SLC1A6: variants seen among roughly 807,000 people sequenced by gnomAD.
SLC1A6 encodes solute carrier family 1 member 6.
In SLC1A6, 15 loss-of-function variants were observed where a neutral mutation model predicts 42.1. That is an observed-to-expected ratio of 0.36 (90% CI 0.24 to 0.55). The LOEUF (loss-of-function observed/expected upper bound fraction) is 0.55. SLC1A6 is among the 20% of genes least tolerant of loss of function. SLC1A6 has a pLI of 0.88. For synonymous variants in SLC1A6, 317 were observed against 319.7 expected (o/e 0.99, Z 0.09); for missense variants, 542 against 772.5 (o/e 0.70, Z 3.54).
At chr19:14,959,486 A>C (rs754334377) in intron 6 of SLC1A6, among the ~76,000 whole-genome samples, 49 of 152,318 alleles carry the variant, frequency 3.2e-4, no homozygotes, top group Admixed American at 2.2e-3. Context: ...TTGCTGAGAT[A>C]ATTAAATTTA....
chr19:14,989,539 CG>C (rs1414963215), intron 1 of SLC1A6, among the ~76,000 whole-genome samples: 1 of 150,952 alleles, frequency 6.6e-6, no homozygotes, highest in African/African-American at 2.5e-5. Context: ...GAATTACAGG[CG>C]TGAGCCACCG....
chr19:14,962,225 C>T lies in SLC1A6; in HGVS notation c.712G>A (p.Glu238Lys), dbSNP rs141949887. The T allele has an allele frequency of 1.9e-6, 3 of 1,614,156 alleles. No homozygotes were observed. In the South Asian group the frequency reaches 3.3e-5, roughly 18 times the overall value. ...GTACCCAAGGCCCGAGTGACATTTT[C>T]CAGGAAGCTGGTTCCGTTCTCCACT... is the stretch of plus-strand genomic sequence containing the variant. ...FSVENGTSFL[E>K]NVTRALGTLQ... The change falls in exon 6 of 10, where the codon GAA becomes AAA. Residue 238 changes from glutamate (E) to lysine (K), a missense_variant. Transcript: ENST00000594383.
At chr19:14,965,169 A>G (rs61618841) in intron 4 of SLC1A6, among the ~76,000 whole-genome samples, 59,399 of 151,568 alleles carry the variant, frequency 0.39, 12,095 homozygotes, top group East Asian at 0.61. Flanking sequence ...AAAGTTGCCC[A>G]CCACCACGCC....
At chr19:15,001,823 T>C (rs1428464225) in intron 1 of SLC1A6, among the ~76,000 whole-genome samples, 1 of 152,022 alleles carries the variant, frequency 6.6e-6, no homozygotes, top group African/African-American at 2.4e-5. Context: ...CATAATGCCC[T>C]GCTAATTTTT....
chr19:14,976,294 G>A (rs1264948077), intron 1 of SLC1A6, among the ~76,000 whole-genome samples: 2 of 152,112 alleles, frequency 1.3e-5, no homozygotes, highest in African/African-American at 2.4e-5. Context: ...ACCAATGGAC[G>A]ATTAAAGAAA....
chr19:14,957,887 T>C (rs1157847291), intron 6 of SLC1A6, among the ~76,000 whole-genome samples: 1 of 152,138 alleles, frequency 6.6e-6, no homozygotes, highest in Non-Finnish European at 1.5e-5. Context: ...GCAGGCACAA[T>C]GCAGACTCTG....
chr19:15,004,909 C>T (rs551062437), intron 1 of SLC1A6, among the ~76,000 whole-genome samples: 46 of 152,190 alleles, frequency 3.0e-4, no homozygotes, highest in African/African-American at 1.1e-3. Flanking sequence ...TGTTCAGACA[C>T]ACGCAGGTGA....
intron 7 of SLC1A6, among the ~76,000 whole-genome samples, chr19:14,955,622 C>CGAAAAA (rs2045455130): frequency 7.0e-6 from 1 of 141,878 alleles, no homozygotes; most frequent in Admixed American, 7.0e-5. Flanking sequence ...TCATGTCAAA[C>CGAAAAA]GAAAAAGAAA....
intron 2 of SLC1A6, 36 bp downstream of exon 2, chr19:14,972,670 C>A: frequency 6.3e-7 from 1 of 1,586,136 alleles, no homozygotes; most frequent in Non-Finnish European, 8.7e-7. Flanking sequence ...CCCCGCCTTT[C>A]CCTGAAGTCC....
intron 1 of SLC1A6, 121 bp from the exon 2 acceptor site, chr19:14,973,038 G>A: frequency 1.3e-6 from 1 of 768,442 alleles, no homozygotes; most frequent in Non-Finnish European, 2.1e-6. Context: ...GGCGGGGGTG[G>A]CTGGGTGTTT....
chr19:14,994,092 A>G (rs1171338103), intron 1 of SLC1A6, among the ~76,000 whole-genome samples: 1 of 152,106 alleles, frequency 6.6e-6, no homozygotes. Context: ...GCTCCACACG[A>G]AATGATGCTG....
Position 14,964,282 on chromosome 19 carries a change from C to T in SLC1A6, c.591+37G>A, listed in dbSNP as rs140069674. On this transcript the variant is annotated intron_variant, in intron 5 of 9. Coordinates refer to ENST00000594383, the MANE Select transcript of SLC1A6 (RefSeq NM_005071.3). ...TCAGCCCCAAGCTCCCACCACCCTCCGAATCTCCTTGATCAAACTGTGTAC... is the reference window on the plus strand; with the variant it reads ...TCAGCCCCAAGCTCCCACCACCCTCTGAATCTCCTTGATCAAACTGTGTAC... 2.3e-3 allele frequency: 3,758 copies of T among 1,599,982 alleles called. 23 individuals carry two copies. The highest frequency in any genetic ancestry group is 0.013 in the Middle Eastern group (80 of 6,040).
chr19:15,007,961 G>T (rs1482526044), intron 1 of SLC1A6, among the ~76,000 whole-genome samples: 1 of 151,728 alleles, frequency 6.6e-6, no homozygotes, highest in African/African-American at 2.4e-5. Flanking sequence ...GGAAGCAGAG[G>T]TTGCAGTGAG....
At chr19:14,963,707 C>T (rs1047037595) in intron 5 of SLC1A6, among the ~76,000 whole-genome samples, 4 of 152,156 alleles carry the variant, frequency 2.6e-5, no homozygotes, top group Admixed American at 6.5e-5. Context: ...GCTCCCTGAG[C>T]AATGCTTAAC....
rs1212979924 is a variant in SLC1A6 at position 14,950,386 on chromosome 19, G to A, written c.1504C>T (p.Arg502Trp). 3.8e-6 allele frequency: 6 copies of A among 1,575,766 alleles called. No homozygotes were observed. The highest frequency in any genetic ancestry group is 1.4e-5 in the African/African-American group (1 of 74,054). Residue 502 changes from arginine (R) to tryptophan (W), a missense_variant, in exon 10 of 10, where the codon CGG becomes TGG. Arg to Trp is a moderately radical substitution (Grantham distance 101). This residue lies in a region of SLC1A6 where 54 missense variants were observed against 125.1 expected (regional missense o/e 0.43). Transcript: ENST00000594383. ...LIIAVDWFLD[R>W]LRTMTNVLGD... ...AGTACGTTGGTCATTGTGCGAAGCC[G>A]GTCACTGGTACAGGGGAGAAAGAAG...
chr19:14,982,603 GTAA>G (rs1379418278), upstream of SLC1A6, among the ~76,000 whole-genome samples: 1 of 152,110 alleles, frequency 6.6e-6, no homozygotes, highest in Admixed American at 6.6e-5. Flanking sequence ...TTACAATATG[GTAA>G]TTATACAAAT....
At chr19:15,003,675 G>GAAAGA (rs1555711197) in intron 1 of SLC1A6, among the ~76,000 whole-genome samples, 2,276 of 132,208 alleles carry the variant, frequency 0.017, 36 homozygotes, top group Non-Finnish European at 0.028. Flanking sequence ...AAAAAAAAAA[G>GAAAGA]AAAGAAAAGA....
upstream of SLC1A6, among the ~76,000 whole-genome samples, chr19:14,982,065 A>AG (rs1292738664): frequency 6.6e-6 from 1 of 150,594 alleles, no homozygotes; most frequent in Non-Finnish European, 1.5e-5. Flanking sequence ...CTCTAAAAAA[A>AG]AAAATAAAAT....
At chr19:14,965,849 CAAAAAAA>C (rs36065519) in intron 4 of SLC1A6, among the ~76,000 whole-genome samples, 4 of 129,012 alleles carry the variant, frequency 3.1e-5, no homozygotes, top group East Asian at 2.2e-4. Context: ...GACTCTGTTT[CAAAAAAA>C]AAAAAAAAAA....
Sources: gnomAD v4.1 joint callset for allele counts (sites outside exome capture counted in the v4.1 genomes callset) on GRCh38, gnomAD v4.1.1 for gene constraint, gnomAD v4.1.1 regional missense constraint, MANE v1.5 for transcripts, NCBI Gene and HGNC (gene_info 2026-07-23, HGNC 2026-07-21) for gene names.